LCMT1: variants seen among roughly 807,000 people sequenced by gnomAD.
LCMT1 encodes leucine carboxyl methyltransferase 1.
A neutral mutation model predicts 47.7 loss-of-function variants in LCMT1; 32 were observed. The ratio of observed to expected loss-of-function variants is 0.67; its 90% CI spans 0.51 to 0.90. The LOEUF is 0.90. LCMT1 is among the 40% of genes least tolerant of loss of function. LCMT1 has a pLI of 0.00. For missense variants in LCMT1, 375 were observed against 415.2 expected (o/e 0.90, Z 0.84); for synonymous variants, 152 against 149.7 (o/e 1.02, Z -0.11).
chr16:25,168,113 A>T (rs1000229257), intron 7 of LCMT1, among the ~76,000 whole-genome samples: 1 of 151,860 alleles, frequency 6.6e-6, no homozygotes, highest in East Asian at 1.9e-4. Context: ...CAGTTGCGCA[A>T]TCTCAGCTCA....
Position 25,111,900 on chromosome 16 carries a change from G to T in LCMT1, c.17G>T (p.Arg6Met). Residue 6 changes from arginine (R) to methionine (M), a missense_variant, in exon 1 of 11, where the codon AGG becomes ATG. Arg to Met is a moderately conservative substitution (Grantham distance 91). Coordinates refer to ENST00000399069, the MANE Select transcript of LCMT1 (RefSeq NM_016309.3). Reference sequence around the variant, plus strand: ...TCCACGCCCATGGCCACTAGGCAGAGGGAATCCTCTATCACCTCCTGCTGT... The same window carrying T: ...TCCACGCCCATGGCCACTAGGCAGATGGAATCCTCTATCACCTCCTGCTGT... MATRQ[R>M]ESSITSCCST... 6.2e-7 allele frequency: 1 copy of T among 1,613,026 alleles called. No homozygotes were observed. Among genetic ancestry groups the T allele is most frequent in the South Asian group, 1.1e-5 (1 of 91,028 alleles).
At chr16:25,127,133 G>A (rs1332135068) in intron 1 of LCMT1, among the ~76,000 whole-genome samples, 5 of 152,178 alleles carry the variant, frequency 3.3e-5, no homozygotes. Flanking sequence ...GGAAGCGGAG[G>A]TTGGAGAATC....
intron 3 of LCMT1, among the ~76,000 whole-genome samples, chr16:25,135,352 C>T (rs1389994846): frequency 6.6e-6 from 1 of 151,336 alleles, no homozygotes; most frequent in African/African-American, 2.4e-5. Context: ...AAACTGTAGC[C>T]CAGGGCCAAA....
At chr16:25,176,368 T>C (rs756430113) in intron 10 of LCMT1, among the ~76,000 whole-genome samples, 2 of 151,992 alleles carry the variant, frequency 1.3e-5, no homozygotes, top group Non-Finnish European at 2.9e-5. Flanking sequence ...GGGCAGCTGA[T>C]CCGAAACAGA....
At chr16:25,170,103 C>G (rs963547677) in intron 8 of LCMT1, among the ~76,000 whole-genome samples, 1 of 151,994 alleles carries the variant, frequency 6.6e-6, no homozygotes, top group African/African-American at 2.4e-5. Flanking sequence ...ACCTGTAATC[C>G]CAGCTACTTG....
chr16:25,177,651 C>T (rs1961987025), intron 10 of LCMT1, among the ~76,000 whole-genome samples: 1 of 152,072 alleles, frequency 6.6e-6, no homozygotes, highest in Non-Finnish European at 1.5e-5. Flanking sequence ...TTACTTTGTC[C>T]CCACTGACCC....
chr16:25,173,047 G>A (rs1961821151), intron 9 of LCMT1, among the ~76,000 whole-genome samples: 1 of 152,226 alleles, frequency 6.6e-6, no homozygotes, highest in South Asian at 2.1e-4. Flanking sequence ...TCTATGCCAG[G>A]TCGAACAGCC....
intron 3 of LCMT1, 143 bp from the exon 4 acceptor site, chr16:25,140,028 G>A (rs1488365460): frequency 3.2e-6 from 2 of 625,914 alleles, no homozygotes; most frequent in African/African-American, 1.8e-5. Context: ...TGAGTAATTC[G>A]AAAAACACGT....
chr16:25,123,995 A>C (rs945118904), intron 1 of LCMT1, among the ~76,000 whole-genome samples: 1 of 152,074 alleles, frequency 6.6e-6, no homozygotes, highest in South Asian at 2.1e-4. Flanking sequence ...AGTTCCCACA[A>C]CTTGTTTCGC....
intron 7 of LCMT1, 29 bp downstream of exon 7, chr16:25,164,747 C>T: frequency 6.2e-7 from 1 of 1,613,730 alleles, no homozygotes; most frequent in South Asian, 1.1e-5. Context: ...GAACTGGATT[C>T]CATACAGGAT....
intron 1 of LCMT1, among the ~76,000 whole-genome samples, chr16:25,116,897 C>CA (rs889909065): frequency 3.3e-5 from 5 of 150,800 alleles, no homozygotes; most frequent in East Asian, 2.0e-4. Flanking sequence ...TCTCAGAAAA[C>CA]AAAAAAAAGA....
At chr16:25,175,210 T>C (rs1961894686) in intron 10 of LCMT1, among the ~76,000 whole-genome samples, 176 bp downstream of exon 10, 1 of 152,146 alleles carries the variant, frequency 6.6e-6, no homozygotes, top group South Asian at 2.1e-4. Context: ...GGCACGGTCA[T>C]AGCTCATTGC....
intron 5 of LCMT1, among the ~76,000 whole-genome samples, chr16:25,154,550 G>A (rs1357170441): frequency 6.3e-5 from 9 of 142,194 alleles, no homozygotes; most frequent in East Asian, 2.1e-4. Context: ...GCAGTGGCGC[G>A]ATCTCAGCTC....
intron 1 of LCMT1, among the ~76,000 whole-genome samples, chr16:25,128,255 A>C (rs1490267892): frequency 1.3e-5 from 2 of 152,234 alleles, no homozygotes; most frequent in African/African-American, 4.8e-5. Context: ...GAGAAGGCCC[A>C]CTGTGGAAAA....
intron 2 of LCMT1, among the ~76,000 whole-genome samples, chr16:25,129,743 A>G (rs1960295483): frequency 6.6e-6 from 1 of 152,146 alleles, no homozygotes; most frequent in South Asian, 2.1e-4. Flanking sequence ...TGTGGATTTA[A>G]TTGGGTTTTT....
At chr16:25,120,495 G>T (rs1325361038) in intron 1 of LCMT1, among the ~76,000 whole-genome samples, 4 of 151,168 alleles carry the variant, frequency 2.6e-5, no homozygotes, top group African/African-American at 7.3e-5. Flanking sequence ...TGTGATCTCG[G>T]CTCACTGCAG....
intron 7 of LCMT1, among the ~76,000 whole-genome samples, chr16:25,166,283 AAAG>A (rs1459181612): frequency 2.5e-4 from 38 of 151,846 alleles, no homozygotes; most frequent in African/African-American, 7.5e-4. Context: ...AAAAAAAAAA[AAAG>A]AAAGAAAGAA....
chr16:25,140,151 T>C lies in LCMT1; in HGVS notation c.328-20T>C, dbSNP rs1960636563. 6.4e-7 allele frequency: 1 copy of C among 1,566,348 alleles called. No homozygotes were observed. The highest frequency in any genetic ancestry group is 8.8e-7 in the Non-Finnish European group (1 of 1,142,298). On this transcript the variant is annotated intron_variant, in intron 3 of 10. Coordinates refer to ENST00000399069, the MANE Select transcript of LCMT1 (RefSeq NM_016309.3). The stretch of plus-strand genomic sequence containing the variant: ...CATGTAAGAGTAAAGAAATAAAAAG[T>C]ATTGTGTGTTTTTCCCCAGGATGAA...
intron 6 of LCMT1, among the ~76,000 whole-genome samples, chr16:25,161,720 A>G (rs1360266823): frequency 1.3e-5 from 2 of 152,184 alleles, no homozygotes; most frequent in Non-Finnish European, 2.9e-5. Flanking sequence ...GCCTAATTTC[A>G]TATAAAAGTT....
Sources: gnomAD v4.1 joint callset for allele counts (sites outside exome capture counted in the v4.1 genomes callset) on GRCh38, gnomAD v4.1.1 for gene constraint, MANE v1.5 for transcripts, NCBI Gene and HGNC (gene_info 2026-07-23, HGNC 2026-07-21) for gene names.